The following ELP4 variants were observed in gnomAD, a reference collection of about 807,000 sequenced individuals.
The protein encoded by ELP4 is elongator complex protein 4.
In ELP4, 51 loss-of-function variants were observed where a neutral mutation model predicts 48.9. That is an observed-to-expected ratio of 1.04 (90% confidence interval 0.83 to 1.32). ELP4 has a LOEUF of 1.32. ELP4 is among the 40% of genes most tolerant of loss of function. The pLI, the probability that ELP4 is intolerant of heterozygous loss-of-function variation, is 0.00. For synonymous variants in ELP4, 210 were observed against 189.2 expected, an observed-to-expected ratio of 1.11 and a Z score of -0.90; for missense variants, 519 against 514.6, an observed-to-expected ratio of 1.01 and a Z score of -0.08.
intron 4 of ELP4, among the ~76,000 whole-genome samples, chr11:31,600,770 AT>A (rs1957767170): frequency 6.6e-6 from 1 of 152,204 alleles, no homozygotes; most frequent in Non-Finnish European, 1.5e-5. Context: ...CTGGTATGCT[AT>A]ACTGAGAAAT....
chr11:31,620,908 C>T lies in ELP4; in HGVS notation c.654-6202C>T, dbSNP rs1944606730. On this transcript the variant is annotated intron_variant, in intron 5 of 9. Coordinates refer to ENST00000640961, the MANE Select transcript of ELP4 (RefSeq NM_019040.5). ...AATACATTCCTACACTTTATATGTTCTTAGTTGAACATCCATGGTGAAGAT... is the reference window on the plus strand; with the variant it reads ...AATACATTCCTACACTTTATATGTTTTTAGTTGAACATCCATGGTGAAGAT... 2.0e-5 allele frequency among the ~76,000 whole-genome samples: 3 copies of T among 151,762 alleles called. No individual in the cohort carries two copies. In the South Asian group the frequency reaches 6.2e-4, roughly 32 times the overall value.
At chr11:31,682,095 G>T in intron 9 of ELP4, 1 of 1,254,922 alleles carries the variant, frequency 8.0e-7, no homozygotes. Context: ...TACTGATGTT[G>T]ATTTAGTGCT....
intron 3 of ELP4, among the ~76,000 whole-genome samples, chr11:31,556,497 A>G (rs1305888139): frequency 6.6e-6 from 1 of 151,916 alleles, no homozygotes; most frequent in Non-Finnish European, 1.5e-5. Flanking sequence ...GCTTGAAGAC[A>G]TTAAGATTTT....
intron 4 of ELP4, chr11:31,600,460 G>A (rs532910586): frequency 4.6e-5 from 7 of 152,130 alleles, no homozygotes; most frequent in Non-Finnish European, 8.8e-5. Context: ...CTATCTTAGT[G>A]GTTTAGCTGC....
chr11:31,736,523 A>G (rs1947321602), intron 9 of ELP4, among the ~76,000 whole-genome samples: 1 of 152,214 alleles, frequency 6.6e-6, no homozygotes, highest in Non-Finnish European at 1.5e-5. Context: ...AGAAACTACC[A>G]TCAGAGTGAA....
chr11:31,656,256 A>G (rs1945430554), intron 9 of ELP4, among the ~76,000 whole-genome samples: 3 of 151,972 alleles, frequency 2.0e-5, no homozygotes, highest in Admixed American at 6.6e-5. Flanking sequence ...ATTATTCCAA[A>G]TGATTGAAAC....
chr11:31,776,930 CTG>C (rs1948259614), intron 9 of ELP4, among the ~76,000 whole-genome samples: 1 of 152,144 alleles, frequency 6.6e-6, no homozygotes, highest in South Asian at 2.1e-4. Flanking sequence ...AAATATTCAG[CTG>C]CTACCAAATG....
intron 9 of ELP4, among the ~76,000 whole-genome samples, chr11:31,668,559 C>T (rs1358412507): frequency 6.6e-6 from 1 of 151,312 alleles, no homozygotes; most frequent in Non-Finnish European, 1.5e-5. Context: ...CTCCTGGGCT[C>T]AAGCAATCCT....
rs564233384 is a variant in ELP4 at position 31,540,299 on chromosome 11, A to G, written c.381+516A>G. Among the ~76,000 whole-genome samples the G allele has an allele frequency of 3.3e-5, 5 of 152,346 alleles. No individual in the cohort carries two copies. In the South Asian group the frequency reaches 1.0e-3, roughly 32 times the overall value. ...CTTGAAATTTGAATTTTCAGCCTGAAACTGTTAGATAAAGTATATGAGTTA... is the reference window on the plus strand; with the variant it reads ...CTTGAAATTTGAATTTTCAGCCTGAGACTGTTAGATAAAGTATATGAGTTA... On this transcript the variant is annotated intron_variant, in intron 3 of 9. Transcript: ENST00000640961.
intron 9 of ELP4, among the ~76,000 whole-genome samples, chr11:31,762,636 T>A (rs1947966463): frequency 6.6e-6 from 1 of 151,990 alleles, no homozygotes. Flanking sequence ...TATTTAGCTA[T>A]GATTATTTAC....
At position 31,632,241 on chromosome 11, in the gene ELP4, A is replaced by C; in HGVS notation, c.763A>C (p.Ile255Leu). 1.2e-6 allele frequency: 2 copies of C among 1,601,488 alleles called. No individual in the cohort carries two copies. The highest frequency in any genetic ancestry group is 1.7e-6 in the Non-Finnish European group (2 of 1,176,604). ...PQKKQRNILR[I>L]GIQNLGSPLW... ...GAAAAAACAGAGAAACATTTTAAGA[A>C]TAGGAATTCAGAATCTTGGCTCACC... The change falls in exon 7 of 10, where the codon ATA becomes CTA. Residue 255 changes from isoleucine to leucine, a missense_variant. Transcript: ENST00000640961.
chr11:31,774,823 C>T lies in ELP4; in HGVS notation c.1144-8570C>T, dbSNP rs187111309. Reference sequence around the variant, plus strand: ...CTATATAAACAGAATATAGATTAGGCTGTTATTGCAGAGATCCAAAAACAC... The same window carrying T: ...CTATATAAACAGAATATAGATTAGGTTGTTATTGCAGAGATCCAAAAACAC... On this transcript the variant is annotated intron_variant, in intron 9 of 9. Coordinates refer to ENST00000640961, the MANE Select transcript of ELP4 (RefSeq NM_019040.5). Among the ~76,000 whole-genome samples, 59 of 152,334 alleles carry T rather than the reference C, an allele frequency of 3.9e-4. No homozygotes were observed. In the East Asian group the frequency reaches 0.011, roughly 29 times the overall value.
Position 31,700,772 on chromosome 11 carries a change from G to A in ELP4, c.1143+50551G>A, listed in dbSNP as rs1946504979. Among the ~76,000 whole-genome samples, 4 of 152,022 alleles carry A rather than the reference G, an allele frequency of 2.6e-5. 1 individual carries two copies. The South Asian group carries it at 6.2e-4, about 24-fold the overall frequency. On this transcript the variant is annotated intron_variant, in intron 9 of 9. Transcript: ENST00000640961. ...AGCTGCATCATTAGATTCACCAAGAGGGCATGTTCTGTGTTGCAGTTTTCA... is the reference window on the plus strand; with the variant it reads ...AGCTGCATCATTAGATTCACCAAGAAGGCATGTTCTGTGTTGCAGTTTTCA...
chr11:31,653,228 C>T (rs1164991685), intron 9 of ELP4: 1 of 151,672 alleles, frequency 6.6e-6, no homozygotes, highest in Non-Finnish European at 1.5e-5. Flanking sequence ...ACTAATTGCA[C>T]TAAAATCCTG....
chr11:31,744,023 G>A (rs1292142096), intron 9 of ELP4, among the ~76,000 whole-genome samples: 17 of 151,838 alleles, frequency 1.1e-4, no homozygotes, highest in Admixed American at 5.9e-4. Context: ...AAAGAGAGAA[G>A]AATCAAATAG....
At chr11:31,546,246 C>G (rs1439564202) in intron 3 of ELP4, among the ~76,000 whole-genome samples, 1 of 151,980 alleles carries the variant, frequency 6.6e-6, no homozygotes, top group Non-Finnish European at 1.5e-5. Flanking sequence ...ACCCATCTCA[C>G]ATGCAGAGAC....
chr11:31,556,856 C>T (rs1402242392), intron 3 of ELP4, among the ~76,000 whole-genome samples: 1 of 151,860 alleles, frequency 6.6e-6, no homozygotes, highest in Non-Finnish European at 1.5e-5. Flanking sequence ...AGGATAGGTA[C>T]ATGATTATCA....
intron 7 of ELP4, chr11:31,646,931 T>C (rs1945212000): frequency 6.6e-6 from 1 of 151,584 alleles, no homozygotes; most frequent in Non-Finnish European, 1.5e-5. Flanking sequence ...GCCAGGAGAT[T>C]CTTAGTATTT....
chr11:31,516,983 G>C (rs1956124790), intron 1 of ELP4, among the ~76,000 whole-genome samples: 1 of 151,970 alleles, frequency 6.6e-6, no homozygotes, highest in Non-Finnish European at 1.5e-5. Flanking sequence ...AAATATACTA[G>C]GTTTTTTCAT....
Sources: gnomAD v4.1 joint callset for allele counts (sites outside exome capture counted in the v4.1 genomes callset) on GRCh38, gnomAD v4.1.1 for gene constraint, MANE v1.5 for transcripts, NCBI Gene and HGNC (gene_info 2026-07-23, HGNC 2026-07-21) for gene names.